Variants in HAT1 observed in about 807,000 individuals in gnomAD.
HAT1 encodes histone acetyltransferase 1.
HAT1 carries 20 observed loss-of-function variants against 56.6 expected under a neutral mutation model. The observed-to-expected ratio is 0.35, with a 90% CI of 0.25 to 0.51. The LOEUF (loss-of-function observed/expected upper bound fraction) is 0.51. HAT1 is among the 20% of genes least tolerant of loss of function. The pLI, the probability that HAT1 is intolerant of heterozygous loss-of-function variation, is 0.95. For missense variants in HAT1, 408 were observed against 504.3 expected, an observed-to-expected ratio of 0.81 and a Z score of 1.83; for synonymous variants, 146 against 165.5, an observed-to-expected ratio of 0.88 and a Z score of 0.91.
rs1172067451 is a variant in HAT1, at chr2:171,977,557, ATTTTTTTT to A, written c.975+1264_975+1271del. On this transcript the variant is annotated intron_variant, in intron 9 of 10. Coordinates refer to ENST00000264108, the MANE Select transcript of HAT1 (RefSeq NM_003642.4). ...TATATATATATATATATATATATATATTTTTTTTTTTTTTTTTTTTTTAATGGTGCTTT... is the reference window on the plus strand; with the variant it reads ...TATATATATATATATATATATATATATTTTTTTTTTTTTTAATGGTGCTTT... Among the ~76,000 whole-genome samples the A allele has an allele frequency of 3.5e-3, 57 of 16,294 alleles. 1 individual carries two copies. The highest frequency in any genetic ancestry group is 7.5e-3 in the Admixed American group (7 of 934). The allele number at this position is 16,294 out of a possible 152,430, so 10.7% of individuals were successfully genotyped here. A position where few individuals can be genotyped will look rare whatever the true frequency, so the allele number is the denominator to read the frequency against.
At chr2:171,943,335 C>T (rs564536498) in intron 2 of HAT1, among the ~76,000 whole-genome samples, 5 of 126,012 alleles carry the variant, frequency 4.0e-5, no homozygotes, top group Admixed American at 1.0e-4. Context: ...CACTTGAACC[C>T]GGGAGGCAGA....
intron 2 of HAT1, among the ~76,000 whole-genome samples, chr2:171,926,705 A>G (rs1329031018): frequency 6.6e-6 from 1 of 152,222 alleles, no homozygotes; most frequent in East Asian, 1.9e-4. Context: ...TTGGGATTAT[A>G]ACTGTGAGCC....
In HAT1 at chr2:171,952,910, A is replaced by T. The variant is rs1396680654; in HGVS notation, c.218A>T (p.Lys73Met). Residue 73 changes from lysine (K) to methionine (M), a missense_variant, in exon 4 of 11, where the codon AAG becomes ATG. Physicochemically the swap from Lys to Met is moderately conservative, Grantham distance 95. Transcript: ENST00000264108. ...DETAFGYKGL[K>M]ILLYYIAGSL... ...ACTGCTTTTGGTTACAAGGGTCTAA[A>T]GATCCTGTTATACTATATTGCTGGT... The T allele has an allele frequency of 1.9e-6, 3 of 1,592,244 alleles. No individual in the cohort carries two copies. The highest frequency in any genetic ancestry group is 2.6e-6 in the Non-Finnish European group (3 of 1,163,796).
At chr2:171,977,891 A>C (rs954505944) in intron 9 of HAT1, among the ~76,000 whole-genome samples, 35 of 151,820 alleles carry the variant, frequency 2.3e-4, no homozygotes, top group African/African-American at 8.2e-4. Flanking sequence ...AAGTCAGAAA[A>C]TATTACCTTC....
At chr2:171,950,817 T>C (rs1484643664) in intron 3 of HAT1, among the ~76,000 whole-genome samples, 1 of 150,986 alleles carries the variant, frequency 6.6e-6, no homozygotes, top group Non-Finnish European at 1.5e-5. Context: ...ATGTGTGTTT[T>C]GTTTTGAGAC....
Position 171,977,557 on chromosome 2 carries a change from ATTTTTTTTTT to A in HAT1, c.975+1262_975+1271del, listed in dbSNP as rs1172067451. The stretch of plus-strand genomic sequence containing the variant: ...TATATATATATATATATATATATAT[ATTTTTTTTTT>A]TTTTTTTTTTTTAATGGTGCTTTCT... On this transcript the variant is annotated intron_variant, in intron 9 of 10. Coordinates refer to ENST00000264108, the MANE Select transcript of HAT1 (RefSeq NM_003642.4). 7.5e-3 allele frequency among the ~76,000 whole-genome samples: 122 copies of A among 16,300 alleles called. 1 individual carries two copies. Among genetic ancestry groups the A allele is most frequent in the Admixed American group, 0.021 (19 of 916 alleles). 10.7% of individuals were successfully genotyped at this position (16,300 alleles called of 152,430 possible).
chr2:171,982,819 G>A (rs1397108297), intron 10 of HAT1, among the ~76,000 whole-genome samples: 1 of 152,084 alleles, frequency 6.6e-6, no homozygotes, highest in Admixed American at 6.6e-5. Flanking sequence ...AAGAATAATA[G>A]CACTTAATCT....
chr2:171,979,381 C>T lies in HAT1; in HGVS notation c.1092+18C>T, dbSNP rs747265464. On this transcript the variant is annotated intron_variant, in intron 10 of 10. Coordinates refer to ENST00000264108, the MANE Select transcript of HAT1 (RefSeq NM_003642.4). Reference sequence around the variant, plus strand: ...CATATAAGGTAGGACTTTCAAGAATCTTAAACACTGTATTCTTTTCACTGT... The same window carrying T: ...CATATAAGGTAGGACTTTCAAGAATTTTAAACACTGTATTCTTTTCACTGT... 2.7e-6 allele frequency: 3 copies of T among 1,114,674 alleles called. No individual in the cohort carries two copies. Among genetic ancestry groups the T allele is most frequent in the East Asian group, 2.3e-5 (1 of 42,698 alleles). 69.0% of individuals were successfully genotyped at this position (1,114,674 alleles called of 1,614,324 possible). A position where few individuals can be genotyped will look rare whatever the true frequency, so the allele number is the denominator to read the frequency against.
intron 2 of HAT1, among the ~76,000 whole-genome samples, chr2:171,938,048 C>G (rs1229220748): frequency 6.7e-6 from 1 of 149,770 alleles, no homozygotes; most frequent in Non-Finnish European, 1.5e-5. Context: ...CTCTCTCTCT[C>G]TCTCTCTCTC....
chr2:171,983,219 G>A lies in HAT1; in HGVS notation c.1127G>A (p.Cys376Tyr). The change falls in exon 11 of 11, where the codon TGT (cysteine) becomes TAT (tyrosine). Residue 376 changes from cysteine to tyrosine, a missense_variant. By Grantham distance (194) the Cys-to-Tyr change is radical (BLOSUM62 -2). Transcript: ENST00000264108. ...KQRDLAKMRK[C>Y]LRPEELTNQM... is the part of the protein sequence containing the mutation. ...AGAGATCTTGCTAAGATGAGAAAAT[G>A]TCTCAGACCAGAAGAACTGACAAAC... The A allele has an allele frequency of 6.3e-7, 1 of 1,595,968 alleles. No homozygotes were observed. Among genetic ancestry groups the A allele is most frequent in the Non-Finnish European group, 8.5e-7 (1 of 1,170,934 alleles).
intron 7 of HAT1, 108 bp downstream of exon 7, chr2:171,966,621 T>C: frequency 2.9e-6 from 2 of 695,192 alleles, no homozygotes; most frequent in Non-Finnish European, 5.2e-6. Context: ...AAAAAATCAC[T>C]ATTATTCATG....
intron 8 of HAT1, among the ~76,000 whole-genome samples, chr2:171,969,099 ATTCTC>A (rs1687752322): frequency 6.6e-6 from 1 of 152,192 alleles, no homozygotes; most frequent in Admixed American, 6.5e-5. Flanking sequence ...TGAAGATACT[ATTCTC>A]TTAAGATGTA....
At chr2:171,957,563 A>G (rs965420585) in intron 4 of HAT1, among the ~76,000 whole-genome samples, 1 of 152,208 alleles carries the variant, frequency 6.6e-6, no homozygotes, top group Non-Finnish European at 1.5e-5. Context: ...GACTATATCT[A>G]GATGAGATTT....
chr2:171,979,410 A>T, intron 10 of HAT1, 47 bp downstream of exon 10: 1 of 911,194 alleles, frequency 1.1e-6, no homozygotes, highest in South Asian at 1.3e-5. Context: ...TCACTGTTTA[A>T]AACAGAAGAA....
chr2:171,964,560 A>G (rs1193750203), intron 4 of HAT1, among the ~76,000 whole-genome samples: 1 of 152,176 alleles, frequency 6.6e-6, no homozygotes, highest in African/African-American at 2.4e-5. Flanking sequence ...TTATTGTAAG[A>G]CTTCATCAAA....
chr2:171,962,545 C>A (rs1687598740), intron 4 of HAT1, among the ~76,000 whole-genome samples: 1 of 152,266 alleles, frequency 6.6e-6, no homozygotes, highest in African/African-American at 2.4e-5. Flanking sequence ...CAGGTGCACA[C>A]CACCACGCCC....
chr2:171,966,799 T>C (rs753188043), intron 7 of HAT1, 44 bp from the exon 8 acceptor site: 1 of 895,404 alleles, frequency 1.1e-6, no homozygotes, highest in Non-Finnish European at 1.8e-6. Flanking sequence ...TTTAAACTGG[T>C]CATGTTATGA....
At chr2:171,966,029 G>A (rs1687676260) in intron 6 of HAT1, 121 bp downstream of exon 6, 3 of 889,738 alleles carry the variant, frequency 3.4e-6, no homozygotes, top group Non-Finnish European at 5.2e-6. Flanking sequence ...AAAAACTATT[G>A]TTTATGAGGC....
At chr2:171,937,884 G>A (rs898155692) in intron 2 of HAT1, among the ~76,000 whole-genome samples, 1 of 152,130 alleles carries the variant, frequency 6.6e-6, no homozygotes, top group African/African-American at 2.4e-5. Flanking sequence ...TTAGCCAAGT[G>A]TGTGGTACAC....
Sources: allele counts gnomAD v4.1 joint callset (sites outside exome capture counted in the v4.1 genomes callset), GRCh38; gene constraint gnomAD v4.1.1; transcripts MANE v1.5; gene names NCBI Gene and HGNC (gene_info 2026-07-23, HGNC 2026-07-21).